Variants in OTOGL observed in about 807,000 individuals in gnomAD.
The protein encoded by OTOGL is otogelin like.
A neutral mutation model predicts 318.5 loss-of-function variants in OTOGL; 285 were observed. That is an observed-to-expected ratio of 0.89 (90% CI 0.81 to 0.99). The LOEUF (loss-of-function observed/expected upper bound fraction) is 0.99, where lower values mean the gene tolerates loss of function less well. Ranked by LOEUF, OTOGL falls within the 50% of genes least tolerant of loss-of-function variation. The probability of loss-of-function intolerance (pLI) is 0.00; values close to 1 mark genes in which losing one functional copy is unlikely to be tolerated. For missense variants in OTOGL, 2,899 were observed against 2,845.6 expected (o/e 1.02, Z -0.43); for synonymous variants, 987 against 936.5 (o/e 1.05, Z -0.99).
chr12:80,257,259 C>T (rs952199011), intron 17 of OTOGL, among the ~76,000 whole-genome samples: 5 of 150,718 alleles, frequency 3.3e-5, no homozygotes, highest in South Asian at 2.1e-4. Flanking sequence ...GGCAATCTCA[C>T]GGTTCAACCA....
chr12:80,376,980 GAGAA>G (rs1182247098), intron 57 of OTOGL, 139 bp from the exon 58 acceptor site: 1 of 499,058 alleles, frequency 2.0e-6, no homozygotes, highest in Non-Finnish European at 3.4e-6. Context: ...AAATGTAAGA[GAGAA>G]GTTTTAAATA....
chr12:80,230,763 T>C (rs1033522998), intron 8 of OTOGL, among the ~76,000 whole-genome samples: 4 of 152,214 alleles, frequency 2.6e-5, no homozygotes, highest in African/African-American at 9.6e-5. Context: ...TGTGGCTCTG[T>C]GCATGAAGCT....
At chr12:80,294,232 T>G (rs1321779220) in intron 26 of OTOGL, among the ~76,000 whole-genome samples, 2 of 152,010 alleles carry the variant, frequency 1.3e-5, no homozygotes, top group Non-Finnish European at 2.9e-5. Flanking sequence ...TGTATTGCTA[T>G]TGTTACAAAT....
At chr12:80,195,817 T>C (rs1270396150) in intron 1 of OTOGL, among the ~76,000 whole-genome samples, 1 of 152,138 alleles carries the variant, frequency 6.6e-6, no homozygotes, top group African/African-American at 2.4e-5. Flanking sequence ...TTGGCCATAG[T>C]GGGAGTATTT....
intron 1 of OTOGL, among the ~76,000 whole-genome samples, chr12:80,175,869 C>T (rs1347028685): frequency 6.6e-6 from 1 of 152,168 alleles, no homozygotes; most frequent in Admixed American, 6.6e-5. Flanking sequence ...GAAGGAAGTT[C>T]TTTAAAATGA....
At chr12:80,283,090 A>C (rs1052847321) in intron 26 of OTOGL, among the ~76,000 whole-genome samples, 2 of 151,976 alleles carry the variant, frequency 1.3e-5, no homozygotes, top group Non-Finnish European at 2.9e-5. Flanking sequence ...CACTTCTAAA[A>C]TCTTAGCTAC....
chr12:80,137,218 C>T (rs186959243), intron 1 of OTOGL, among the ~76,000 whole-genome samples: 4 of 151,806 alleles, frequency 2.6e-5, no homozygotes, highest in Non-Finnish European at 4.4e-5. Flanking sequence ...TACAAAAATG[C>T]CAGTGGTTAC....
chr12:80,251,882 A>G, intron 12 of OTOGL, 83 bp downstream of exon 12: 1 of 1,232,750 alleles, frequency 8.1e-7, no homozygotes, highest in Non-Finnish European at 1.1e-6. Flanking sequence ...TGTACTACTC[A>G]ATACTAATGA....
At chr12:80,358,533 G>A in intron 50 of OTOGL, 138 bp from the exon 51 acceptor site, 1 of 819,468 alleles carries the variant, frequency 1.2e-6, no homozygotes, top group East Asian at 2.7e-5. Context: ...CCAACACATG[G>A]CAATCTGACG....
At chr12:80,269,999 T>C in intron 22 of OTOGL, 103 bp from the exon 23 acceptor site, 4 of 930,870 alleles carry the variant, frequency 4.3e-6, no homozygotes, top group Non-Finnish European at 6.5e-6. Flanking sequence ...ATTTGTATAA[T>C]GTACTCAATC....
At chr12:80,170,181 GT>G (rs1435621559) in intron 1 of OTOGL, among the ~76,000 whole-genome samples, 16 of 112,456 alleles carry the variant, frequency 1.4e-4, no homozygotes, top group African/African-American at 4.6e-4. Context: ...TGTCAGGGGT[GT>G]GTGTGTGTGT....
intron 1 of OTOGL, among the ~76,000 whole-genome samples, chr12:80,157,909 T>C (rs1873234876): frequency 6.6e-6 from 1 of 152,198 alleles, no homozygotes; most frequent in Non-Finnish European, 1.5e-5. Flanking sequence ...ATTTCTGTTG[T>C]AAATTCCTGA....
chr12:80,334,448 G>T (rs1448209675), intron 38 of OTOGL, among the ~76,000 whole-genome samples: 1 of 152,070 alleles, frequency 6.6e-6, no homozygotes, highest in African/African-American at 2.4e-5. Flanking sequence ...GACATACATG[G>T]AGTATATATA....
Position 80,367,753 on chromosome 12 carries a change from G to T in OTOGL, c.6510+14G>T. 6.7e-6 allele frequency: 9 copies of T among 1,352,436 alleles called. No homozygotes were observed. The highest frequency in any genetic ancestry group is 8.7e-6 in the Non-Finnish European group (9 of 1,031,710). The allele number at this position is 1,352,436 out of a possible 1,614,324, so 83.8% of individuals were successfully genotyped here. A position where few individuals can be genotyped will look rare whatever the true frequency, so the allele number is the denominator to read the frequency against. ...AAATGTGATGTTGTAAGTATTCCTT[G>T]TAATTTATTCTGGTGAGAGTTAATG... On this transcript the variant is annotated intron_variant, in intron 54 of 58. Transcript: ENST00000547103.
chr12:80,318,492 T>A, intron 32 of OTOGL, 54 bp from the exon 33 acceptor site: 1 of 1,152,826 alleles, frequency 8.7e-7, no homozygotes, highest in Non-Finnish European at 1.1e-6. Context: ...AATGACAGAT[T>A]GAAATTTTAA....
intron 7 of OTOGL, among the ~76,000 whole-genome samples, chr12:80,225,292 A>G (rs1284087347): frequency 6.6e-6 from 1 of 151,922 alleles, no homozygotes; most frequent in African/African-American, 2.4e-5. Flanking sequence ...TCTCTTTAAA[A>G]TGTTCTTGTT....
intron 11 of OTOGL, among the ~76,000 whole-genome samples, chr12:80,247,523 G>C (rs1881026603): frequency 9.5e-6 from 1 of 105,118 alleles, no homozygotes. Flanking sequence ...ACTGTGGTCT[G>C]AGAGATAGTT....
At chr12:80,166,901 T>C (rs61524811) in intron 1 of OTOGL, among the ~76,000 whole-genome samples, 5,796 of 152,226 alleles carry the variant, frequency 0.038, 384 homozygotes, top group African/African-American at 0.13. Context: ...AATGCTGTGC[T>C]CTGGGAAGGT....
At chr12:80,331,742 T>A (rs1324108302) in intron 37 of OTOGL, among the ~76,000 whole-genome samples, 1 of 152,180 alleles carries the variant, frequency 6.6e-6, no homozygotes, top group Admixed American at 6.5e-5. Context: ...TATATGACCT[T>A]ATATGGCCAT....
Sources: gnomAD v4.1 joint callset for allele counts (sites outside exome capture counted in the v4.1 genomes callset) on GRCh38, gnomAD v4.1.1 for gene constraint, MANE v1.5 for transcripts, NCBI Gene and HGNC (gene_info 2026-07-23, HGNC 2026-07-21) for gene names.